URI1: variants seen among roughly 807,000 people sequenced by gnomAD.
URI1 encodes the protein unconventional prefoldin RPB5 interactor 1.
A neutral mutation model predicts 60.2 loss-of-function variants in URI1; 39 were observed. The observed-to-expected ratio is 0.65, with a 90% CI of 0.50 to 0.85. The LOEUF (loss-of-function observed/expected upper bound fraction) is 0.85. Ranked by LOEUF, URI1 falls within the 40% of genes least tolerant of loss-of-function variation. URI1 has a pLI of 0.00. For synonymous variants in URI1, 251 were observed against 236.8 expected (o/e 1.06, Z -0.55); for missense variants, 691 against 665.9 (o/e 1.04, Z -0.42).
At chr19:29,963,855 A>T (rs1037090336) in intron 1 of URI1, among the ~76,000 whole-genome samples, 1 of 152,152 alleles carries the variant, frequency 6.6e-6, no homozygotes, top group Admixed American at 6.5e-5. Flanking sequence ...TTCATCTGGA[A>T]GCTTGATTTT....
intron 2 of URI1, among the ~76,000 whole-genome samples, chr19:29,976,148 A>G (rs1051195416): frequency 3.3e-5 from 5 of 152,328 alleles, no homozygotes; most frequent in African/African-American, 9.6e-5. Context: ...CTGAGAGTAT[A>G]GCTCTGAACT....
At chr19:29,932,645 C>T (rs1274018726) in intron 1 of URI1, among the ~76,000 whole-genome samples, 2 of 104,100 alleles carry the variant, frequency 1.9e-5, no homozygotes, top group Admixed American at 1.2e-4. Context: ...GGTTTTCCCC[C>T]CTTCATTCCT....
In URI1 at chr19:29,942,338, GGGC is replaced by G. The variant is rs1284531509; in HGVS notation, c.-198_-196del. On this transcript the variant is annotated 5_prime_UTR_variant, in exon 1 of 11. Transcript: ENST00000392271. ...GGCCTGCTACTCGGAGCCCGCTGCG[GGGC>G]GGCGGCGGCGGGGACATGCACGTGT... 3.0e-6 allele frequency: 3 copies of G among 984,832 alleles called. No homozygotes were observed. The highest frequency in any genetic ancestry group is 1.1e-4 in the East Asian group (1 of 8,820). 61.0% of individuals were successfully genotyped at this position (984,832 alleles called of 1,614,324 possible).
chr19:29,961,675 G>GTTTTTTTT (rs200425572), intron 1 of URI1, among the ~76,000 whole-genome samples: 1 of 117,636 alleles, frequency 8.5e-6, no homozygotes, highest in African/African-American at 3.1e-5. Context: ...TTTTTTTTTT[G>GTTTTTTTT]TTTTTTTTTT....
At chr19:29,951,814 C>T (rs777790176) in intron 1 of URI1, among the ~76,000 whole-genome samples, 6 of 152,208 alleles carry the variant, frequency 3.9e-5, no homozygotes, top group African/African-American at 7.2e-5. Flanking sequence ...TCCCAAAGTG[C>T]TGGGATTACA....
intron 4 of URI1, among the ~76,000 whole-genome samples, chr19:29,989,111 T>G (rs1291307019): frequency 6.8e-6 from 1 of 147,538 alleles, no homozygotes; most frequent in Non-Finnish European, 1.5e-5. Flanking sequence ...TATATATGCT[T>G]TTTTTTTTTT....
intron 4 of URI1, among the ~76,000 whole-genome samples, chr19:29,999,102 A>G (rs1254518210): frequency 6.6e-6 from 1 of 152,052 alleles, no homozygotes; most frequent in Non-Finnish European, 1.5e-5. Flanking sequence ...TCACCTCTTT[A>G]TATTATTTGT....
chr19:29,972,819 C>T (rs974653087), intron 2 of URI1, among the ~76,000 whole-genome samples: 1 of 152,008 alleles, frequency 6.6e-6, no homozygotes, highest in African/African-American at 2.4e-5. Context: ...GTTCATGTGA[C>T]CCTCAATTTC....
At chr19:29,938,426 G>A (rs2054992341), upstream of URI1, among the ~76,000 whole-genome samples, 1 of 152,116 alleles carries the variant, frequency 6.6e-6, no homozygotes, top group South Asian at 2.1e-4. Context: ...CCATTCATGA[G>A]GGATCCGCCC....
intron 4 of URI1, among the ~76,000 whole-genome samples, chr19:29,990,515 A>G (rs868191071): frequency 2.6e-5 from 4 of 152,232 alleles, no homozygotes; most frequent in East Asian, 1.9e-4. Context: ...TCAACTAATA[A>G]CAGGTGAATA....
intron 1 of URI1, among the ~76,000 whole-genome samples, chr19:29,966,462 C>G (rs2055392650): frequency 6.6e-6 from 1 of 152,130 alleles, no homozygotes; most frequent in Non-Finnish European, 1.5e-5. Flanking sequence ...CAGCAACACT[C>G]AGTTTATTAC....
At chr19:29,955,903 C>T (rs2055240328) in intron 1 of URI1, among the ~76,000 whole-genome samples, 1 of 151,570 alleles carries the variant, frequency 6.6e-6, no homozygotes, top group African/African-American at 2.4e-5. Flanking sequence ...GTTATCATTT[C>T]TTACAAAAGA....
At chr19:29,943,594 A>G (rs2055060557) in intron 1 of URI1, among the ~76,000 whole-genome samples, 1 of 152,212 alleles carries the variant, frequency 6.6e-6, no homozygotes, top group Admixed American at 6.5e-5. Flanking sequence ...TTTTAATTGA[A>G]CATTCCTGTA....
intron 4 of URI1, among the ~76,000 whole-genome samples, chr19:30,003,723 A>G (rs1010687131): frequency 6.6e-6 from 1 of 152,058 alleles, no homozygotes; most frequent in African/African-American, 2.4e-5. Context: ...CAAGGCTTTC[A>G]CTGATACCTT....
chr19:29,970,783 A>T (rs440697), intron 1 of URI1, among the ~76,000 whole-genome samples: 3 of 152,056 alleles, frequency 2.0e-5, no homozygotes, highest in Non-Finnish European at 2.9e-5. Context: ...TTGTCACTAC[A>T]GTCATTTTTT....
At chr19:29,943,101 A>G (rs1056905314) in intron 1 of URI1, among the ~76,000 whole-genome samples, 1 of 152,100 alleles carries the variant, frequency 6.6e-6, no homozygotes. Context: ...TATTTGTCAC[A>G]ATATAATGCC....
At chr19:29,927,314 A>T (rs1214512559) in intron 1 of URI1, among the ~76,000 whole-genome samples, 1 of 138,622 alleles carries the variant, frequency 7.2e-6, no homozygotes, top group Non-Finnish European at 1.5e-5. Flanking sequence ...CTCAGGCTGG[A>T]GTGCAGTGGT....
intron 6 of URI1, among the ~76,000 whole-genome samples, chr19:30,006,846 A>C (rs1351473055): frequency 6.6e-6 from 1 of 152,102 alleles, no homozygotes; most frequent in African/African-American, 2.4e-5. Flanking sequence ...CTGAGTTCAG[A>C]TTTGACCCAT....
At position 29,987,723 on chromosome 19, in the gene URI1, C is replaced by G. The variant is rs2055689995; in HGVS notation, c.367+1306C>G. ...TAAAATATTAATGGGAATACTTATA[C>G]TACAATAGAATAGAGCTCTAGAGTA... On this transcript the variant is annotated intron_variant, in intron 4 of 10. Coordinates refer to ENST00000392271, the MANE Select transcript of URI1 (RefSeq NM_003796.3). Among the ~76,000 whole-genome samples the G allele has an allele frequency of 2.6e-5, 4 of 152,184 alleles. No individual in the cohort carries two copies. In the South Asian group the frequency reaches 8.3e-4, roughly 32 times the overall value.
Sources: gnomAD v4.1 joint callset for allele counts (sites outside exome capture counted in the v4.1 genomes callset) on GRCh38, gnomAD v4.1.1 for gene constraint, MANE v1.5 for transcripts, NCBI Gene and HGNC (gene_info 2026-07-23, HGNC 2026-07-21) for gene names.